Variants in SHISAL1 observed in about 807,000 individuals in gnomAD.
SHISAL1 encodes the protein protein shisa-like-1.
Under a neutral mutation model 22.6 loss-of-function variants are expected in SHISAL1, and 9 were observed. The observed-to-expected ratio is 0.40, with a 90% CI of 0.24 to 0.70. The LOEUF (loss-of-function observed/expected upper bound fraction) is 0.70, where lower values mean the gene tolerates loss of function less well. Ranked by LOEUF, SHISAL1 falls within the 30% of genes least tolerant of loss-of-function variation. The pLI, the probability that SHISAL1 is intolerant of heterozygous loss-of-function variation, is 0.39. For missense variants in SHISAL1, 246 were observed against 270.6 expected (o/e 0.91, Z 0.64); for synonymous variants, 119 against 115.4 (o/e 1.03, Z -0.20).
At chr22:44,322,424 G>A in the SHISAL1 span, among the ~76,000 whole-genome samples, 5 of 152,300 alleles carry the variant, frequency 3.3e-5, no homozygotes, top group Middle Eastern at 3.4e-3. Context: ...CTCCTCAGGA[G>A]GGGACCAGAG....
At chr22:44,306,448 G>T (rs1476509201) in intron 1 of SHISAL1, among the ~76,000 whole-genome samples, 1 of 143,366 alleles carries the variant, frequency 7.0e-6, no homozygotes, top group Non-Finnish European at 1.5e-5. Context: ...GGGCTGTGAT[G>T]ATGATGGTGT....
chr22:44,316,873 G>C (rs558862242), upstream of SHISAL1, among the ~76,000 whole-genome samples: 5 of 152,352 alleles, frequency 3.3e-5, no homozygotes, highest in Middle Eastern at 3.4e-3. Flanking sequence ...GGGCAGGAGG[G>C]GGAGCTGGGG....
intron 2 of SHISAL1, among the ~76,000 whole-genome samples, chr22:44,299,394 T>C (rs1313244407): frequency 6.6e-6 from 1 of 152,222 alleles, no homozygotes; most frequent in Non-Finnish European, 1.5e-5. Flanking sequence ...GCAGGCCGCT[T>C]TCCTTCTGAG....
intron 4 of SHISAL1, among the ~76,000 whole-genome samples, chr22:44,268,142 C>T (rs1327915924): frequency 2.0e-5 from 3 of 152,190 alleles, no homozygotes; most frequent in Non-Finnish European, 4.4e-5. Context: ...TATACATCCC[C>T]ATGGTAAAGG....
chr22:44,252,302 CAA>C (rs1357009048), intron 4 of SHISAL1, among the ~76,000 whole-genome samples: 4 of 151,950 alleles, frequency 2.6e-5, no homozygotes, highest in African/African-American at 9.7e-5. Context: ...AGCAGGGAGA[CAA>C]GAGGAGGGGA....
At chr22:44,254,753 AC>A (rs1401865662) in intron 4 of SHISAL1, among the ~76,000 whole-genome samples, 17 of 127,318 alleles carry the variant, frequency 1.3e-4, no homozygotes, top group African/African-American at 5.2e-4. Context: ...GGTGGAGGTG[AC>A]AGCTTGGGAG....
chr22:44,314,248 C>T (rs1411138465), upstream of SHISAL1, among the ~76,000 whole-genome samples: 1 of 151,910 alleles, frequency 6.6e-6, no homozygotes, highest in East Asian at 1.9e-4. Context: ...ACAAGGCACA[C>T]AAAGTTCCTC....
the SHISAL1 span, among the ~76,000 whole-genome samples, chr22:44,328,451 G>A: frequency 4.2e-3 from 647 of 152,268 alleles, 9 homozygotes; most frequent in African/African-American, 0.015. Context: ...TCACTGCCAA[G>A]TGCAACCCTA....
intron 4 of SHISAL1, among the ~76,000 whole-genome samples, chr22:44,265,139 C>A (rs898640902): frequency 1.3e-5 from 2 of 152,194 alleles, no homozygotes; most frequent in African/African-American, 4.8e-5. Context: ...CCTAAGATGG[C>A]CTCCAAAGAA....
At chr22:44,263,060 C>T (rs184749812) in intron 4 of SHISAL1, among the ~76,000 whole-genome samples, 58 of 118,300 alleles carry the variant, frequency 4.9e-4, no homozygotes, top group African/African-American at 1.4e-3. Flanking sequence ...GGAGCCTTCA[C>T]GTATTTTTTT....
chr22:44,301,584 C>T (rs141118982), intron 1 of SHISAL1, among the ~76,000 whole-genome samples: 48 of 152,270 alleles, frequency 3.2e-4, no homozygotes, highest in East Asian at 2.5e-3. Flanking sequence ...AACAGGGACT[C>T]GAACAGATAC....
chr22:44,312,973 G>A (rs2055531090), upstream of SHISAL1: 1 of 152,268 alleles, frequency 6.6e-6, no homozygotes, highest in Non-Finnish European at 1.5e-5. Flanking sequence ...CGGGGAGTGG[G>A]GCTAGGGCGC....
At chr22:44,301,297 G>T (rs114186291) in intron 1 of SHISAL1, among the ~76,000 whole-genome samples, 2 of 152,234 alleles carry the variant, frequency 1.3e-5, no homozygotes, top group African/African-American at 4.8e-5. Context: ...CAGGAGTGAG[G>T]ATGCCCGGGC....
chr22:44,287,205 C>G (rs1384515771), intron 3 of SHISAL1, among the ~76,000 whole-genome samples: 1 of 152,242 alleles, frequency 6.6e-6, no homozygotes. Context: ...CTCCCAGTCT[C>G]GACTTCCAGG....
In SHISAL1 at chr22:44,310,554, C is replaced by T. The variant is rs2055511143; in HGVS notation, c.-33+2197G>A. 6.6e-6 allele frequency among the ~76,000 whole-genome samples: 1 copy of T among 152,184 alleles called. No homozygotes were observed. The highest frequency in any genetic ancestry group is 6.5e-5 in the Admixed American group (1 of 15,286). On this transcript the variant is annotated intron_variant, in intron 1 of 4. Transcript: ENST00000381176. The surrounding 1 kb of genome is among the most constrained non-coding windows in gnomAD (Gnocchi z 4.0). ...TGTGAAACGGGAGCCGTGCCCCACA[C>T]CTTGCAGGTATACCAAACATAGAAA... is the stretch of plus-strand genomic sequence containing the variant.
the SHISAL1 span, among the ~76,000 whole-genome samples, chr22:44,318,069 G>GC: frequency 6.6e-6 from 1 of 152,212 alleles, no homozygotes; most frequent in East Asian, 1.9e-4. Flanking sequence ...CAGGCTGGCT[G>GC]CCCCCCGACC....
chr22:44,275,090 C>A (rs61250960), intron 4 of SHISAL1, among the ~76,000 whole-genome samples: 2,980 of 152,292 alleles, frequency 0.02, 107 homozygotes, highest in African/African-American at 0.068. Context: ...AGGTTTTCAA[C>A]GTAAACTTGT....
At chr22:44,283,855 C>A (rs1030325040) in intron 4 of SHISAL1, among the ~76,000 whole-genome samples, 1 of 152,142 alleles carries the variant, frequency 6.6e-6, no homozygotes, top group Non-Finnish European at 1.5e-5. Context: ...TTTAGTTTGA[C>A]AAACCCTCTA....
At chr22:44,300,857 C>T in intron 2 of SHISAL1, 22 bp downstream of exon 2, 1 of 1,611,802 alleles carries the variant, frequency 6.2e-7, no homozygotes, top group South Asian at 1.1e-5. Context: ...GCCCCCGCCC[C>T]CAGCATCCAC....
Sources: allele counts gnomAD v4.1 joint callset (sites outside exome capture counted in the v4.1 genomes callset), GRCh38; gene constraint gnomAD v4.1.1; non-coding constraint Gnocchi (gnomAD v3.1); transcripts MANE v1.5; gene names NCBI Gene and HGNC (gene_info 2026-07-23, HGNC 2026-07-21).